ZBP1: variants seen among roughly 807,000 people sequenced by gnomAD.
ZBP1 encodes the protein Z-DNA-binding protein 1.
In ZBP1, 42 loss-of-function variants were observed where a neutral mutation model predicts 41.1. The ratio of observed to expected loss-of-function variants is 1.02; its 90% CI spans 0.80 to 1.32. ZBP1 has a LOEUF of 1.32. ZBP1 is among the 40% of genes most tolerant of loss of function. The pLI is 0.00. For synonymous variants in ZBP1, 214 were observed against 205.2 expected, an observed-to-expected ratio of 1.04 and a Z score of -0.37; for missense variants, 562 against 549.7, an observed-to-expected ratio of 1.02 and a Z score of -0.22.
Position 57,611,669 on chromosome 20 carries a change from C to G in ZBP1, c.874+58G>C, listed in dbSNP as rs183206795. 2.1e-4 allele frequency: 327 copies of G among 1,531,750 alleles called. No homozygotes were observed. The African/African-American group carries it at 3.9e-3, about 18-fold the overall frequency. The allele number at this position is 1,531,750 out of a possible 1,614,324, so 94.9% of individuals were successfully genotyped here. ...CCCAAAAAGATTCTGGCTCCAGTTC[C>G]TTCCAGTGAGGACCCACGGGGTGGC... On this transcript the variant is annotated intron_variant, in intron 6 of 7. Coordinates refer to ENST00000371173, the MANE Select transcript of ZBP1 (RefSeq NM_030776.3).
At chr20:57,606,007 G>A (rs1480947401) in intron 7 of ZBP1, among the ~76,000 whole-genome samples, 7 of 151,730 alleles carry the variant, frequency 4.6e-5, no homozygotes, top group South Asian at 4.2e-4. Context: ...AGAGTTGCAC[G>A]TCTCTCACTT....
rs555089859 is a variant in ZBP1 at position 57,604,090 on chromosome 20, G to C, written c.*483C>G. The C allele has an allele frequency of 3.4e-5, 9 of 264,814 alleles. No homozygotes were observed. Among genetic ancestry groups the C allele is most frequent in the Non-Finnish European group, 6.7e-5 (9 of 133,832 alleles). The allele number at this position is 264,814 out of a possible 1,614,324, so 16.4% of individuals were successfully genotyped here. On this transcript the variant is annotated 3_prime_UTR_variant, in exon 8 of 8. Coordinates refer to ENST00000371173, the MANE Select transcript of ZBP1 (RefSeq NM_030776.3). The stretch of plus-strand genomic sequence containing the variant: ...GGGTTTCACCATGTTAGCCAGGACG[G>C]TCTGGATTTCCTGACCTATTGATCC...
chr20:57,610,515 C>G lies in ZBP1; in HGVS notation c.875-148G>C. 1.4e-6 allele frequency: 1 copy of G among 729,462 alleles called. No individual in the cohort carries two copies. The highest frequency in any genetic ancestry group is 2.3e-6 in the Non-Finnish European group (1 of 444,244). The allele number at this position is 729,462 out of a possible 1,614,324, so 45.2% of individuals were successfully genotyped here. ...GAGCACAGCCTGTGCCTGCCCGCCA[C>G]ACCTCCACCCGCCACACCTCCGCTC... On this transcript the variant is annotated intron_variant, in intron 6 of 7. Transcript: ENST00000371173. This position sits in a 1 kb window ranked among gnomAD's most constrained non-coding sequence, Gnocchi z 5.5.
At position 57,620,319 on chromosome 20, in the gene ZBP1, G is replaced by A. The variant is rs372043119; in HGVS notation, c.-24C>T. On this transcript the variant is annotated 5_prime_UTR_variant, in exon 1 of 8. Transcript: ENST00000371173. ...ATGCTGACAGCAGCTGCAAGGAGTC[G>A]GAGAGACTTGGCAGGTGTGCAGGCT... 204 of 1,588,212 alleles carry A rather than the reference G, an allele frequency of 1.3e-4. No individual in the cohort carries two copies. In the African/African-American group the frequency reaches 1.8e-3, roughly 14 times the overall value.
chr20:57,606,958 T>G (rs2070513356), intron 7 of ZBP1: 1 of 1,186,996 alleles, frequency 8.4e-7, no homozygotes, highest in African/African-American at 1.6e-5. Flanking sequence ...ATCCACGGGC[T>G]CTGATGGAGA....
chr20:57,609,792 A>G (rs968995017), intron 7 of ZBP1, among the ~76,000 whole-genome samples: 6 of 152,112 alleles, frequency 3.9e-5, no homozygotes, highest in Non-Finnish European at 5.9e-5. Flanking sequence ...TGATGAGACA[A>G]TAACACTCCT....
At chr20:57,619,963 A>T (rs1022975613) in intron 1 of ZBP1, among the ~76,000 whole-genome samples, 1 of 151,836 alleles carries the variant, frequency 6.6e-6, no homozygotes, top group African/African-American at 2.4e-5. Context: ...CAGCATCCCG[A>T]GTAGCTGGGA....
At chr20:57,615,207 A>G in intron 3 of ZBP1, 147 bp from the exon 4 acceptor site, 1 of 903,138 alleles carries the variant, frequency 1.1e-6, no homozygotes, top group Non-Finnish European at 1.7e-6. Flanking sequence ...CGGGGTCATC[A>G]TGACGCACCG....
intron 1 of ZBP1, among the ~76,000 whole-genome samples, chr20:57,618,658 T>G (rs1207216775): frequency 2.6e-5 from 4 of 151,600 alleles, no homozygotes; most frequent in Non-Finnish European, 4.4e-5. Flanking sequence ...CTCGGCTCAC[T>G]GCAACCTCCA....
Position 57,616,955 on chromosome 20 carries a change from A to G in ZBP1, c.35-487T>C, listed in dbSNP as rs766276082. Reference sequence around the variant, plus strand: ...CTCACCATCCATCCATGGCGCCACTATCCATCCAAGCCAGAGACCGACCAG... The same window carrying G: ...CTCACCATCCATCCATGGCGCCACTGTCCATCCAAGCCAGAGACCGACCAG... On this transcript the variant is annotated intron_variant, in intron 1 of 7. Coordinates refer to ENST00000371173, the MANE Select transcript of ZBP1 (RefSeq NM_030776.3). 8.3e-5 allele frequency: 15 copies of G among 180,204 alleles called. 1 individual carries two copies. The highest frequency in any genetic ancestry group is 1.8e-4 in the Non-Finnish European group (15 of 84,018). 11.2% of individuals were successfully genotyped at this position (180,204 alleles called of 1,614,324 possible).
chr20:57,608,696 A>T (rs1222930206), intron 7 of ZBP1, among the ~76,000 whole-genome samples: 2 of 152,208 alleles, frequency 1.3e-5, no homozygotes, highest in East Asian at 1.9e-4. Flanking sequence ...CAGGTGTCAC[A>T]TGTGCATGGG....
chr20:57,604,342 C>T lies in ZBP1; in HGVS notation c.*231G>A, dbSNP rs1446827110. The T allele has an allele frequency of 3.0e-6, 2 of 664,258 alleles. No homozygotes were observed. The highest frequency in any genetic ancestry group is 3.0e-5 in the South Asian group (2 of 66,442). 41.1% of individuals were successfully genotyped at this position (664,258 alleles called of 1,614,324 possible). A position where few individuals can be genotyped will look rare whatever the true frequency, so the allele number is the denominator to read the frequency against. The stretch of plus-strand genomic sequence containing the variant: ...CTCCCATCTACCCACCTCCTCTTGG[C>T]ACACCAAAGGTTCCCCAAGGCAACT... On this transcript the variant is annotated 3_prime_UTR_variant, in exon 8 of 8. Coordinates refer to ENST00000371173, the MANE Select transcript of ZBP1 (RefSeq NM_030776.3).
chr20:57,610,457 C>G lies in ZBP1; in HGVS notation c.875-90G>C, dbSNP rs936868931. ...CCCCAGCCTGGTTCACCCTCCTCCC[C>G]AGATCTCCCACCAGTGGCCCACACC... On this transcript the variant is annotated intron_variant, in intron 6 of 7. Transcript: ENST00000371173. The surrounding 1 kb of genome is among the most constrained non-coding windows in gnomAD (Gnocchi z 5.5). The G allele has an allele frequency of 4.3e-6, 6 of 1,406,538 alleles. No homozygotes were observed. The Middle Eastern group carries it at 9.5e-4, about 222-fold the overall frequency. The allele number at this position is 1,406,538 out of a possible 1,614,324, so 87.1% of individuals were successfully genotyped here. A position where few individuals can be genotyped will look rare whatever the true frequency, so the allele number is the denominator to read the frequency against.
At chr20:57,614,835 C>A (rs1401618292) in intron 4 of ZBP1, 52 bp downstream of exon 4, 3 of 1,604,362 alleles carry the variant, frequency 1.9e-6, no homozygotes, top group Admixed American at 3.4e-5. Flanking sequence ...AGACCAAGCA[C>A]TAGTGTCATG....
At chr20:57,620,221 C>A (rs545030447) in intron 1 of ZBP1, 41 bp downstream of exon 1, 2 of 1,562,576 alleles carry the variant, frequency 1.3e-6, no homozygotes, top group African/African-American at 2.7e-5. Flanking sequence ...AATCTCACCC[C>A]GGGAGCTACC....
At chr20:57,614,441 T>C (rs1251832678) in intron 4 of ZBP1, among the ~76,000 whole-genome samples, 1 of 152,204 alleles carries the variant, frequency 6.6e-6, no homozygotes, top group Non-Finnish European at 1.5e-5. Flanking sequence ...CTATTGGATC[T>C]TGGCCCTGTG....
chr20:57,608,125 C>T (rs2070541989), intron 7 of ZBP1, among the ~76,000 whole-genome samples: 1 of 135,992 alleles, frequency 7.4e-6, no homozygotes, highest in Admixed American at 7.9e-5. Context: ...GGGAGTGTGA[C>T]CATTTTTTTT....
chr20:57,608,962 C>T (rs564367238), intron 7 of ZBP1, among the ~76,000 whole-genome samples: 54 of 152,214 alleles, frequency 3.5e-4, no homozygotes, highest in African/African-American at 9.9e-4. Flanking sequence ...AGCGGAAATC[C>T]GCCTTCTAAT....
At chr20:57,608,703 T>TG (rs561698684) in intron 7 of ZBP1, among the ~76,000 whole-genome samples, 37 of 152,328 alleles carry the variant, frequency 2.4e-4, no homozygotes, top group Admixed American at 8.5e-4. Context: ...CACATGTGCA[T>TG]GGGGCTCCCA....
Sources: gnomAD v4.1 joint callset for allele counts (sites outside exome capture counted in the v4.1 genomes callset) on GRCh38, gnomAD v4.1.1 for gene constraint, Gnocchi (gnomAD v3.1) non-coding constraint, MANE v1.5 for transcripts, NCBI Gene and HGNC (gene_info 2026-07-23, HGNC 2026-07-21) for gene names.